Variants in SETD2 observed in about 807,000 individuals in gnomAD.
The protein encoded by SETD2 is histone-lysine N-methyltransferase SETD2.
In SETD2, 31 loss-of-function variants were observed where a neutral mutation model predicts 242.1. The ratio of observed to expected loss-of-function variants is 0.13; its 90% CI spans 0.10 to 0.17. The LOEUF (loss-of-function observed/expected upper bound fraction) is 0.17. SETD2 is among the 10% of genes least tolerant of loss of function. SETD2 has a pLI of 1.00. For missense variants in SETD2, 2,481 were observed against 3,046.3 expected (o/e 0.81, Z 4.37); for synonymous variants, 1,006 against 1,066.5 (o/e 0.94, Z 1.11).
intron 1 of SETD2, among the ~76,000 whole-genome samples, chr3:47,150,967 A>G (rs1023281427): frequency 6.6e-6 from 1 of 151,926 alleles, no homozygotes; most frequent in East Asian, 1.9e-4. Flanking sequence ...AGCATGTATT[A>G]TAATAGAGGT....
intron 12 of SETD2, chr3:47,081,054 T>G (rs1348289806): frequency 1.0e-6 from 1 of 986,870 alleles, no homozygotes; most frequent in South Asian, 4.7e-5. Flanking sequence ...CAGCTGGTGA[T>G]GTTAACAAGC....
chr3:47,112,562 G>A (rs959918106), intron 5 of SETD2, among the ~76,000 whole-genome samples: 6 of 148,572 alleles, frequency 4.0e-5, no homozygotes, highest in South Asian at 2.2e-4. Context: ...GATTACAGGC[G>A]TGAACCACCA....
intron 15 of SETD2, among the ~76,000 whole-genome samples, chr3:47,051,176 C>T (rs1178871988): frequency 6.6e-6 from 1 of 152,022 alleles, no homozygotes; most frequent in African/African-American, 2.4e-5. Flanking sequence ...GCCATCAAGG[C>T]TCACAGCAGC....
intron 18 of SETD2, among the ~76,000 whole-genome samples, chr3:47,029,932 G>C (rs1225776195): frequency 6.6e-6 from 1 of 152,152 alleles, no homozygotes; most frequent in Non-Finnish European, 1.5e-5. Context: ...CAGATGGGCA[G>C]ATCACTTGAG....
At chr3:47,100,103 T>C (rs2107679488) in intron 8 of SETD2, among the ~76,000 whole-genome samples, 1 of 149,954 alleles carries the variant, frequency 6.7e-6, no homozygotes, top group Non-Finnish European at 1.5e-5. Context: ...CCACCCCACC[T>C]GGCTATTTTT....
chr3:47,083,998 G>A lies in SETD2; in HGVS notation c.5782C>T (p.Leu1928=). ...CATTCAGGCAGCTGTTGTGGGAGTA[G>A]CTGTTGTGACTGCAATTCTTCCTCT... ...EEEEELQSQQ[L]LPQQLPECKV... The change falls in exon 12 of 21, where the codon CTA becomes TTA. Residue 1928 remains leucine (L), a synonymous_variant. Transcript: ENST00000409792. 3 of 1,614,086 alleles carry A rather than the reference G, an allele frequency of 1.9e-6. No individual in the cohort carries two copies. The highest frequency in any genetic ancestry group is 2.5e-6 in the Non-Finnish European group (3 of 1,180,020).
chr3:47,077,133 G>C (rs1329111253), intron 12 of SETD2, among the ~76,000 whole-genome samples: 2 of 152,150 alleles, frequency 1.3e-5, no homozygotes, highest in Non-Finnish European at 2.9e-5. Context: ...CACCCAGGCT[G>C]GAGTGCAATG....
At chr3:47,104,912 C>A (rs992124346) in intron 6 of SETD2, among the ~76,000 whole-genome samples, 14 of 152,140 alleles carry the variant, frequency 9.2e-5, no homozygotes, top group African/African-American at 3.4e-4. Flanking sequence ...TAACTAGATG[C>A]ATGCAAAACC....
intron 1 of SETD2, among the ~76,000 whole-genome samples, chr3:47,139,451 G>C (rs2106787295): frequency 6.6e-6 from 1 of 152,222 alleles, no homozygotes; most frequent in East Asian, 1.9e-4. Flanking sequence ...CCCATATAGA[G>C]TTTAAATTTC....
intron 9 of SETD2, 63 bp downstream of exon 9, chr3:47,097,892 A>G: frequency 6.4e-7 from 1 of 1,561,830 alleles, no homozygotes. Context: ...ACCTTCAATC[A>G]GAAAAGCCAC....
At chr3:47,085,470 C>G (rs1409732782) in intron 11 of SETD2, among the ~76,000 whole-genome samples, 1 of 152,174 alleles carries the variant, frequency 6.6e-6, no homozygotes, top group African/African-American at 2.4e-5. Flanking sequence ...GACAACCTCC[C>G]CCATTTTGAA....
chr3:47,052,237 C>T (rs1046735579), intron 15 of SETD2, among the ~76,000 whole-genome samples: 28 of 152,138 alleles, frequency 1.8e-4, no homozygotes, highest in African/African-American at 6.8e-4. Context: ...GTGGCACAAT[C>T]TCGGCTTACT....
intron 1 of SETD2, among the ~76,000 whole-genome samples, chr3:47,162,955 G>C (rs564659135): frequency 7.2e-5 from 11 of 152,166 alleles, no homozygotes; most frequent in Non-Finnish European, 1.3e-4. Flanking sequence ...CTGTGTGTCG[G>C]TTTTCCACAA....
intron 16 of SETD2, among the ~76,000 whole-genome samples, chr3:47,045,570 C>T (rs1359251848): frequency 1.4e-5 from 2 of 143,612 alleles, no homozygotes; most frequent in African/African-American, 5.2e-5. Flanking sequence ...CAGTGATGCA[C>T]ACCTGTAGTC....
At chr3:47,131,091 T>A (rs191287020) in intron 1 of SETD2, among the ~76,000 whole-genome samples, 1 of 152,240 alleles carries the variant, frequency 6.6e-6, no homozygotes, top group East Asian at 1.9e-4. Flanking sequence ...CATTAATAAA[T>A]ATAAACAAGT....
chr3:47,142,705 G>C (rs948539752), intron 1 of SETD2, among the ~76,000 whole-genome samples: 5 of 142,564 alleles, frequency 3.5e-5, no homozygotes, highest in Non-Finnish European at 7.6e-5. Flanking sequence ...TTTTGCCCTT[G>C]TCGGCCAGGC....
intron 16 of SETD2, among the ~76,000 whole-genome samples, chr3:47,043,286 A>T (rs972892550): frequency 6.6e-6 from 1 of 152,204 alleles, no homozygotes; most frequent in Non-Finnish European, 1.5e-5. Context: ...GCTAATTAAG[A>T]TTAATGAAGT....
intron 18 of SETD2, among the ~76,000 whole-genome samples, chr3:47,020,809 C>T (rs2038184473): frequency 6.6e-6 from 1 of 152,186 alleles, no homozygotes; most frequent in African/African-American, 2.4e-5. Flanking sequence ...GCTCCCCACC[C>T]ATCTCCTGGT....
At chr3:47,055,869 C>A (rs2040034164) in intron 15 of SETD2, among the ~76,000 whole-genome samples, 1 of 150,714 alleles carries the variant, frequency 6.6e-6, no homozygotes, top group Non-Finnish European at 1.5e-5. Flanking sequence ...AAAAATTAGC[C>A]AGGCGTGGTG....
Sources: gnomAD v4.1 joint callset for allele counts (sites outside exome capture counted in the v4.1 genomes callset) on GRCh38, gnomAD v4.1.1 for gene constraint, MANE v1.5 for transcripts, NCBI Gene and HGNC (gene_info 2026-07-23, HGNC 2026-07-21) for gene names.